The following CD300C variants were observed in gnomAD, a reference collection of about 807,000 sequenced individuals.
CD300C encodes the protein CD300c molecule.
CD300C carries 11 observed loss-of-function variants against 18.4 expected under a neutral mutation model. That is an observed-to-expected ratio of 0.60 (90% CI 0.38 to 0.99). The LOEUF (loss-of-function observed/expected upper bound fraction) is 0.99. Ranked by LOEUF, CD300C falls within the 50% of genes least tolerant of loss-of-function variation. The pLI, the probability that CD300C is intolerant of heterozygous loss-of-function variation, is 0.01. For missense variants in CD300C, 277 were observed against 287.4 expected (o/e 0.96, Z 0.26); for synonymous variants, 116 against 116.3 (o/e 1.00, Z 0.02).
chr17:74,540,038 T>C (rs1454052533), downstream of CD300C, among the ~76,000 whole-genome samples: 2 of 152,256 alleles, frequency 1.3e-5, no homozygotes, highest in Admixed American at 6.5e-5. Flanking sequence ...GATGCTGGTG[T>C]GCCATATCCA....
At chr17:74,545,590 T>G in intron 1 of CD300C, 132 bp downstream of exon 1, 5 of 702,520 alleles carry the variant, frequency 7.1e-6, no homozygotes, top group Non-Finnish European at 1.2e-5. Context: ...TGACCGCTCC[T>G]GGGTGCTCCT....
At chr17:74,535,756 A>G in the CD300C span, among the ~76,000 whole-genome samples, 6 of 152,214 alleles carry the variant, frequency 3.9e-5, no homozygotes, top group Non-Finnish European at 8.8e-5. Context: ...GGAAATGGCC[A>G]ATATTTGCAA....
intron 2 of CD300C, 106 bp from the exon 3 acceptor site, chr17:74,543,093 G>T: frequency 6.8e-7 from 1 of 1,464,020 alleles, no homozygotes; most frequent in Non-Finnish European, 9.4e-7. Flanking sequence ...ATGATGTGCT[G>T]GACAGATGCC....
At chr17:74,539,194 C>T (rs565842296), downstream of CD300C, among the ~76,000 whole-genome samples, 1 of 152,256 alleles carries the variant, frequency 6.6e-6, no homozygotes, top group African/African-American at 2.4e-5. Flanking sequence ...AGAGGCCGAG[C>T]GGAGAGTGAC....
chr17:74,539,344 G>C (rs1176665691), downstream of CD300C, among the ~76,000 whole-genome samples: 1 of 152,100 alleles, frequency 6.6e-6, no homozygotes, highest in Admixed American at 6.5e-5. Flanking sequence ...TCATGGGACT[G>C]TCGCCAGCCC....
chr17:74,541,887 G>A, intron 3 of CD300C, 151 bp from the exon 4 acceptor site: 1 of 782,194 alleles, frequency 1.3e-6, no homozygotes, highest in Non-Finnish European at 2.0e-6. Context: ...CAGCATCACG[G>A]CCCCTAACCC....
chr17:74,542,365 A>G (rs1449974764), intron 3 of CD300C, among the ~76,000 whole-genome samples: 1 of 152,098 alleles, frequency 6.6e-6, no homozygotes, highest in Non-Finnish European at 1.5e-5. Context: ...CCAGGTCCCA[A>G]GGCTCCTCGC....
intron 2 of CD300C, 70 bp downstream of exon 2, chr17:74,544,539 C>A: frequency 6.5e-7 from 1 of 1,529,686 alleles, no homozygotes; most frequent in African/African-American, 1.4e-5. Flanking sequence ...TGTTCCACTT[C>A]TTTCTTCAGG....
intron 3 of CD300C, among the ~76,000 whole-genome samples, chr17:74,542,631 T>C (rs545918814): frequency 6.6e-6 from 1 of 152,350 alleles, no homozygotes; most frequent in Non-Finnish European, 1.5e-5. Context: ...GCTCAATGCG[T>C]GAATCCACGC....
chr17:74,535,469 C>CAAA, the CD300C span, among the ~76,000 whole-genome samples: 2 of 80,272 alleles, frequency 2.5e-5, no homozygotes, highest in African/African-American at 9.7e-5. Flanking sequence ...AACTCTGTCT[C>CAAA]AAAAAAAAAA....
intron 3 of CD300C, among the ~76,000 whole-genome samples, chr17:74,542,070 GTTAT>G (rs1908571383): frequency 6.6e-6 from 1 of 152,190 alleles, no homozygotes; most frequent in South Asian, 2.1e-4. Context: ...TTCACAAAGG[GTTAT>G]TTGTTTGGTG....
chr17:74,542,192 C>T (rs974543581), intron 3 of CD300C, among the ~76,000 whole-genome samples: 2 of 151,966 alleles, frequency 1.3e-5, no homozygotes, highest in Admixed American at 1.3e-4. Flanking sequence ...CCTACAACTT[C>T]AGTGGTTGTT....
rs758144977 is a variant in CD300C at position 74,545,793 on chromosome 17, C to T, written c.-11G>A. 75 of 1,601,802 alleles carry T rather than the reference C, an allele frequency of 4.7e-5. No homozygotes were observed. The highest frequency in any genetic ancestry group is 2.4e-4 in the Admixed American group (14 of 58,906). On this transcript the variant is annotated 5_prime_UTR_variant, in exon 1 of 4. It adds an upstream start codon to the 5' untranslated region. Transcript: ENST00000330793. Reference sequence around the variant, plus strand: ...GGCCCTGGCAGTCATTCCTGTAACACGAATGTCACCTGCCACTGTGCAAGA... The same window carrying T: ...GGCCCTGGCAGTCATTCCTGTAACATGAATGTCACCTGCCACTGTGCAAGA...
At chr17:74,543,058 C>T in intron 2 of CD300C, 71 bp from the exon 3 acceptor site, 2 of 1,582,844 alleles carry the variant, frequency 1.3e-6, no homozygotes, top group Non-Finnish European at 1.7e-6. Flanking sequence ...CTGTTCTGCT[C>T]CAATTTTCAC....
chr17:74,545,042 G>A, intron 1 of CD300C, 95 bp from the exon 2 acceptor site: 1 of 1,168,660 alleles, frequency 8.6e-7, no homozygotes, highest in Non-Finnish European at 1.2e-6. Context: ...GGCGTGTGGA[G>A]AAGGCAATGG....
At chr17:74,534,733 T>TA in the CD300C span, among the ~76,000 whole-genome samples, 327 of 152,286 alleles carry the variant, frequency 2.1e-3, 3 homozygotes, top group Non-Finnish European at 2.0e-3. Context: ...AGGCTTCATC[T>TA]AAAAAAATTA....
At position 74,544,929 on chromosome 17, in the gene CD300C, TGGC is replaced by T; in HGVS notation, c.77_79del (p.Ser26_His27delinsAsn). On this transcript the variant is annotated inframe_deletion, in exon 2 of 4. Transcript: ENST00000330793. The stretch of plus-strand genomic sequence containing the variant: ...CACGGGGCCCGCCACGGTCATGGGG[TGGC>T]TCAGAGGAAAATAGCCTGAAAAATA... 1 of 1,611,926 alleles carries T rather than the reference TGGC, an allele frequency of 6.2e-7. No individual in the cohort carries two copies. The highest frequency in any genetic ancestry group is 1.1e-5 in the South Asian group (1 of 90,954).
chr17:74,541,872 C>A (rs1004416534), intron 3 of CD300C, 136 bp from the exon 4 acceptor site: 6 of 880,252 alleles, frequency 6.8e-6, no homozygotes, highest in Non-Finnish European at 8.6e-6. Context: ...CAGTCCATCC[C>A]GTCTCAGCAT....
chr17:74,542,992 G>C lies in CD300C; in HGVS notation c.401-5C>G, dbSNP rs1908612458. On this transcript the variant is annotated splice_polypyrimidine_tract_variant and splice_region_variant and intron_variant, in intron 2 of 3. Coordinates refer to ENST00000330793, the MANE Select transcript of CD300C (RefSeq NM_006678.5). ...TGGAGGCTGTGGTCGTCCCGGCTGT[G>C]GGTGAAACACAGGTCAACCTTGATG... The C allele has an allele frequency of 3.1e-6, 5 of 1,613,322 alleles. No homozygotes were observed. Among genetic ancestry groups the C allele is most frequent in the Non-Finnish European group, 3.4e-6 (4 of 1,180,004 alleles).
Sources: gnomAD v4.1 joint callset for allele counts (sites outside exome capture counted in the v4.1 genomes callset) on GRCh38, gnomAD v4.1.1 for gene constraint, MANE v1.5 for transcripts, NCBI Gene and HGNC (gene_info 2026-07-23, HGNC 2026-07-21) for gene names.